LRRC73: variants seen among roughly 807,000 people sequenced by gnomAD.
The protein encoded by LRRC73 is leucine-rich repeat-containing protein 73.
LRRC73 carries 16 observed loss-of-function variants against 26.4 expected under a neutral mutation model. That is an observed-to-expected ratio of 0.61 (90% CI 0.41 to 0.92). The LOEUF is 0.92. LRRC73 is among the 40% of genes least tolerant of loss of function. LRRC73 has a pLI of 0.00. For synonymous variants in LRRC73, 210 were observed against 179.8 expected, an observed-to-expected ratio of 1.17 and a Z score of -1.34; for missense variants, 344 against 416.3, an observed-to-expected ratio of 0.83 and a Z score of 1.51.
chr6:43,508,920 G>A (rs762179109), exon 2 of LRRC73: 12 of 1,595,608 alleles, frequency 7.5e-6, no homozygotes, highest in African/African-American at 2.7e-5. Flanking sequence ...TCCCATGCAG[G>A]CTGGAGGAGA....
At chr6:43,507,184 C>G in exon 6 of LRRC73, 1 of 1,591,342 alleles carries the variant, frequency 6.3e-7, no homozygotes, top group African/African-American at 1.3e-5. Context: ...ATATCTGGGG[C>G]AAGGTGCTCG....
exon 6 of LRRC73, chr6:43,507,197 A>C: frequency 6.2e-7 from 1 of 1,606,812 alleles, no homozygotes; most frequent in Non-Finnish European, 8.5e-7. Flanking sequence ...GGTGCTCGGG[A>C]CATAGATAAG....
Position 43,507,193 on chromosome 6 carries a change from C to T in LRRC73, c.*45G>A, listed in dbSNP as rs758312745. On this transcript the variant is annotated 3_prime_UTR_variant, in exon 6 of 6. Transcript: ENST00000372441. ...ACCCTGATATCTGGGGCAAGGTGCT[C>T]GGGACATAGATAAGTGAAATGGTGT... 2.2e-5 allele frequency: 36 copies of T among 1,603,478 alleles called. No homozygotes were observed. The East Asian group carries it at 3.6e-4, about 16-fold the overall frequency.
chr6:43,508,444 C>T, intron 2 of LRRC73, 24 bp from the exon 3 acceptor site: 1 of 1,613,104 alleles, frequency 6.2e-7, no homozygotes, highest in Non-Finnish European at 8.5e-7. Flanking sequence ...TAGCAAGAAA[C>T]CAGAATAGGG....
At chr6:43,509,751 G>C in exon 1 of LRRC73, 1 of 1,584,894 alleles carries the variant, frequency 6.3e-7, no homozygotes. Flanking sequence ...GCCGGACAGC[G>C]GCTCCCCCGA....
chr6:43,509,402 A>G, intron 1 of LRRC73, 112 bp downstream of exon 1: 1 of 1,308,922 alleles, frequency 7.6e-7, no homozygotes, highest in Non-Finnish European at 1.0e-6. Flanking sequence ...TATGTGCATA[A>G]GGCATGTGAA....
exon 3 of LRRC73, chr6:43,508,328 G>A (rs749113360): frequency 3.7e-6 from 6 of 1,613,254 alleles, no homozygotes; most frequent in South Asian, 1.1e-5. Context: ...TTGAGGACGC[G>A]GACCTGGGAG....
intron 1 of LRRC73, among the ~76,000 whole-genome samples, 158 bp from the exon 2 acceptor site, chr6:43,509,078 TAC>T (rs1439859414): frequency 7.0e-6 from 1 of 143,812 alleles, no homozygotes; most frequent in East Asian, 2.1e-4. Flanking sequence ...TCTCAGGGAA[TAC>T]AGATAGAGGG....
intron 2 of LRRC73, 89 bp downstream of exon 2, chr6:43,508,671 C>T (rs2127681365): frequency 6.6e-7 from 1 of 1,507,722 alleles, no homozygotes; most frequent in Non-Finnish European, 9.0e-7. Flanking sequence ...CCCACATCAT[C>T]AGAGCTCTGG....
intron 2 of LRRC73, 121 bp downstream of exon 2, chr6:43,508,639 G>T: frequency 6.9e-7 from 1 of 1,440,532 alleles, no homozygotes; most frequent in Non-Finnish European, 9.4e-7. Flanking sequence ...CCCTTCCTGA[G>T]AGGAGTAGAA....
In LRRC73 at chr6:43,508,439, AG is replaced by A. The variant is rs781736400; in HGVS notation, c.434-20del. The A allele has an allele frequency of 3.1e-6, 5 of 1,613,178 alleles. No individual in the cohort carries two copies. The highest frequency in any genetic ancestry group is 4.2e-6 in the Non-Finnish European group (5 of 1,179,892). On this transcript the variant is annotated intron_variant, in intron 2 of 5. Transcript: ENST00000372441. ...TTCAAGCCTGGGCAGCATCATAGCA[AG>A]AAACCAGAATAGGGAGGGTTAAGCC... is the stretch of plus-strand genomic sequence containing the variant.
At position 43,509,367 on chromosome 6, in the gene LRRC73, T is replaced by C. The variant is rs954559922; in HGVS notation, c.272+147A>G. The C allele has an allele frequency of 6.3e-5, 66 of 1,047,946 alleles. No individual in the cohort carries two copies. In the South Asian group the frequency reaches 9.6e-4, roughly 15 times the overall value. 64.9% of individuals were successfully genotyped at this position (1,047,946 alleles called of 1,614,324 possible). A position where few individuals can be genotyped will look rare whatever the true frequency, so the allele number is the denominator to read the frequency against. ...CCAAGCATGTGCTTGGAGGGTGCTG[T>C]GAAGGCATGGGCCGAGGCACGGTGT... On this transcript the variant is annotated intron_variant, in intron 1 of 5. Coordinates refer to ENST00000372441, the Ensembl canonical transcript of LRRC73.
Position 43,508,785 on chromosome 6 carries a change from G to A in LRRC73, c.408C>T (p.Leu136=), listed in dbSNP as rs763408862. Reference sequence around the variant, plus strand: ...CAGATTTGGCCCCATCTGGGGGCAGGAGGCCACAGATGAGGTTGATGGCTT... The same window carrying A: ...CAGATTTGGCCCCATCTGGGGGCAGAAGGCCACAGATGAGGTTGATGGCTT... Residue 136 remains leucine, a synonymous_variant, in exon 2 of 6, where the codon CTC becomes CTT. Transcript: ENST00000372441. 37 of 1,612,290 alleles carry A rather than the reference G, an allele frequency of 2.3e-5. No homozygotes were observed. In the East Asian group the frequency reaches 7.8e-4, roughly 34 times the overall value.
chr6:43,509,447 G>C, intron 1 of LRRC73, 67 bp downstream of exon 1: 1 of 1,519,112 alleles, frequency 6.6e-7, no homozygotes, highest in African/African-American at 1.4e-5. Context: ...TGGAGGAACA[G>C]GAGGTGCCAG....
intron 4 of LRRC73, 54 bp downstream of exon 4, chr6:43,507,768 CACAT>C (rs1792539278): frequency 6.3e-6 from 10 of 1,591,872 alleles, no homozygotes; most frequent in Non-Finnish European, 8.6e-6. Flanking sequence ...TGTCATCAGA[CACAT>C]AAACTAACCT....
At chr6:43,510,154 C>CGCGGCGGCGGCG (rs914747735) in exon 1 of LRRC73, 1 of 177,210 alleles carries the variant, frequency 5.6e-6, no homozygotes, top group Non-Finnish European at 1.2e-5. Flanking sequence ...CCCTCGCGGT[C>CGCGGCGGCGGCG]GCGGCGGCGG....
At chr6:43,508,490 C>T (rs904719889) in intron 2 of LRRC73, 70 bp from the exon 3 acceptor site, 1 of 1,603,656 alleles carries the variant, frequency 6.2e-7, no homozygotes, top group Non-Finnish European at 8.5e-7. Flanking sequence ...CCCCACAATC[C>T]CTGTGTCTCT....
exon 1 of LRRC73, chr6:43,509,723 G>A (rs540151303): frequency 1.3e-6 from 2 of 1,591,542 alleles, no homozygotes; most frequent in Non-Finnish European, 8.5e-7. Flanking sequence ...GGCCGCGGCA[G>A]ATGTCCCGCA....
At chr6:43,510,026 G>A (rs1279676884) in exon 1 of LRRC73, 3 of 305,910 alleles carry the variant, frequency 9.8e-6, no homozygotes, top group Non-Finnish European at 1.2e-5. Context: ...CCAGGGCGCG[G>A]GCCGGGCTGA....
Sources: allele counts gnomAD v4.1 joint callset (sites outside exome capture counted in the v4.1 genomes callset), GRCh38; gene constraint gnomAD v4.1.1; transcripts MANE v1.5; gene names NCBI Gene and HGNC (gene_info 2026-07-23, HGNC 2026-07-21).